Variants in PUS7 observed in about 807,000 individuals in gnomAD.
The protein encoded by PUS7 is pseudouridine synthase 7.
Under a neutral mutation model 79.8 loss-of-function variants are expected in PUS7, and 48 were observed. The ratio of observed to expected loss-of-function variants is 0.60; its 90% confidence interval spans 0.48 to 0.76. The LOEUF is 0.76. Among genes scored for constraint, PUS7 ranks in the 30% least tolerant of loss-of-function variants. The probability of loss-of-function intolerance (pLI) is 0.00; values close to 1 mark genes in which losing one functional copy is unlikely to be tolerated. For synonymous variants in PUS7, 286 were observed against 272.2 expected (o/e 1.05, Z -0.50); for missense variants, 729 against 797.6 (o/e 0.91, Z 1.04).
intron 2 of PUS7, among the ~76,000 whole-genome samples, chr7:105,507,360 A>T (rs1206093886): frequency 6.6e-6 from 1 of 151,856 alleles, no homozygotes; most frequent in African/African-American, 2.4e-5. Flanking sequence ...CCATTTTTTA[A>T]ATAAGGATGC....
chr7:105,480,283 C>A (rs1824267151), intron 9 of PUS7, among the ~76,000 whole-genome samples: 1 of 151,638 alleles, frequency 6.6e-6, no homozygotes. Context: ...ACCAGCCTGG[C>A]CAACATGGTG....
At position 105,508,392 on chromosome 7, in the gene PUS7, T is replaced by C; in HGVS notation, c.121A>G (p.Thr41Ala). 1.2e-6 allele frequency: 2 copies of C among 1,614,174 alleles called. No individual in the cohort carries two copies. The highest frequency in any genetic ancestry group is 4.5e-5 in the East Asian group (2 of 44,878). ...KKQKLSECSL[T>A]KGQDGLQNDF... Reference sequence around the variant, plus strand: ...TTCTGTAGCCCATCTTGACCTTTGGTTAGACTGCATTCCGACAGCTTCTGT... The same window carrying C: ...TTCTGTAGCCCATCTTGACCTTTGGCTAGACTGCATTCCGACAGCTTCTGT... Residue 41 changes from threonine to alanine, a missense_variant, in exon 2 of 16, where the codon ACC becomes GCC. Physicochemically the swap from Thr to Ala is moderately conservative, Grantham distance 58. Coordinates refer to ENST00000469408, the MANE Select transcript of PUS7 (RefSeq NM_019042.5).
Position 105,491,473 on chromosome 7 carries a change from T to C in PUS7, c.920+67A>G, listed in dbSNP as rs1824776722. 4 of 1,036,854 alleles carry C rather than the reference T, an allele frequency of 3.9e-6. No individual in the cohort carries two copies. In the East Asian group the frequency reaches 1.1e-4, roughly 28 times the overall value. The allele number at this position is 1,036,854 out of a possible 1,614,324, so 64.2% of individuals were successfully genotyped here. On this transcript the variant is annotated intron_variant, in intron 7 of 15. Coordinates refer to ENST00000469408, the MANE Select transcript of PUS7 (RefSeq NM_019042.5). ...TGAGAGAGAAACCCCCAAAGTAAAT[T>C]TGAGAATTCTGAAAAGCAGTGCCAG...
intron 5 of PUS7, among the ~76,000 whole-genome samples, chr7:105,500,878 A>G (rs530548357): frequency 6.6e-6 from 1 of 152,334 alleles, no homozygotes; most frequent in East Asian, 1.9e-4. Flanking sequence ...CCCAGACATT[A>G]AAGAAACACA....
At chr7:105,486,591 G>A (rs535393217) in intron 7 of PUS7, among the ~76,000 whole-genome samples, 18 of 152,232 alleles carry the variant, frequency 1.2e-4, no homozygotes, top group African/African-American at 2.6e-4. Context: ...AGTGAGGAAC[G>A]GGGGACAAAA....
intron 7 of PUS7, among the ~76,000 whole-genome samples, chr7:105,488,409 AAGAG>A (rs1213634643): frequency 2.6e-5 from 4 of 152,196 alleles, no homozygotes; most frequent in African/African-American, 4.8e-5. Context: ...ATTAAAAAAA[AAGAG>A]AGAGAGAATT....
chr7:105,481,033 A>C lies in PUS7; in HGVS notation c.1175+19T>G. 6.3e-7 allele frequency: 1 copy of C among 1,599,950 alleles called. No individual in the cohort carries two copies. The highest frequency in any genetic ancestry group is 1.3e-5 in the African/African-American group (1 of 74,170). Reference sequence around the variant, plus strand: ...GTTTATGAGAAAGCTATTTTTGATAAAAGAAATTAAATACCAACCTTCCAA... The same window carrying C: ...GTTTATGAGAAAGCTATTTTTGATACAAGAAATTAAATACCAACCTTCCAA... On this transcript the variant is annotated intron_variant, in intron 9 of 15. Coordinates refer to ENST00000469408, the MANE Select transcript of PUS7 (RefSeq NM_019042.5).
chr7:105,500,166 C>A (rs907965017), intron 5 of PUS7, among the ~76,000 whole-genome samples: 2 of 152,162 alleles, frequency 1.3e-5, no homozygotes, highest in East Asian at 3.8e-4. Context: ...TCCAATCTGA[C>A]TTCCTTCTTG....
At position 105,481,053 on chromosome 7, in the gene PUS7, T is replaced by G. The variant is rs1469653219; in HGVS notation, c.1174A>C (p.Arg392=). ...TTAVPTYQVG[R]AILQNSWTEV... ...TGATAAAAGAAATTAAATACCAACC[T>G]TCCAACCTGATACGTAGGGACAGCT... The change falls in exon 9 of 16, where the codon AGA becomes CGA. Residue 392 remains arginine, a splice_region_variant and synonymous_variant. Transcript: ENST00000469408. 6.2e-7 allele frequency: 1 copy of G among 1,607,604 alleles called. No individual in the cohort carries two copies. Among genetic ancestry groups the G allele is most frequent in the South Asian group, 1.1e-5 (1 of 89,362 alleles).
At chr7:105,465,757 C>T (rs916076605) in intron 12 of PUS7, among the ~76,000 whole-genome samples, 5 of 152,012 alleles carry the variant, frequency 3.3e-5, no homozygotes, top group South Asian at 2.1e-4. Flanking sequence ...TGCTTGAACC[C>T]GGGAGGCGGA....
chr7:105,461,317 A>T (rs1386983145), intron 14 of PUS7, among the ~76,000 whole-genome samples: 1 of 152,216 alleles, frequency 6.6e-6, no homozygotes, highest in Non-Finnish European at 1.5e-5. Flanking sequence ...TTCTTCAATA[A>T]TTCAGTGATG....
At chr7:105,518,024 T>C (rs1421423580) in intron 1 of PUS7, among the ~76,000 whole-genome samples, 3 of 152,056 alleles carry the variant, frequency 2.0e-5, no homozygotes, top group Non-Finnish European at 1.5e-5. Flanking sequence ...GGTGTGGCCC[T>C]GTAATCCCAG....
intron 1 of PUS7, among the ~76,000 whole-genome samples, chr7:105,516,582 T>C (rs1446337984): frequency 6.6e-6 from 1 of 151,902 alleles, no homozygotes; most frequent in African/African-American, 2.4e-5. Context: ...GCTTCCTGAG[T>C]AGCTGGAATT....
rs991531854 is a variant in PUS7 at position 105,459,172 on chromosome 7, A to C, written c.1845T>G (p.Ala615=). 1 of 1,604,316 alleles carries C rather than the reference A, an allele frequency of 6.2e-7. No homozygotes were observed. The highest frequency in any genetic ancestry group is 8.5e-7 in the Non-Finnish European group (1 of 1,173,684). ...NLEGKTPPVF[A]SEGKYRALKM... ...CTGATGACTGAGTAAACTTACCAGA[A>C]GCAAAAACTGGTGGTGTCTTCCCTT... The change falls in exon 15 of 16, where the codon GCT becomes GCG. Residue 615 remains alanine, a synonymous_variant. Transcript: ENST00000469408.
At chr7:105,477,195 T>G (rs1006087652) in intron 9 of PUS7, among the ~76,000 whole-genome samples, 17 of 152,204 alleles carry the variant, frequency 1.1e-4, no homozygotes, top group African/African-American at 4.1e-4. Context: ...TTCTAAGAGT[T>G]TGCATAAGTG....
chr7:105,496,492 A>G (rs1825042438), intron 5 of PUS7, among the ~76,000 whole-genome samples: 2 of 152,266 alleles, frequency 1.3e-5, no homozygotes, highest in Admixed American at 6.5e-5. Context: ...CAATTCCTAG[A>G]AAGAGTCCTC....
At chr7:105,469,873 A>T (rs1017739411) in intron 11 of PUS7, among the ~76,000 whole-genome samples, 2 of 152,214 alleles carry the variant, frequency 1.3e-5, no homozygotes, top group African/African-American at 4.8e-5. Context: ...GATTACAGGC[A>T]TGAGCCACCA....
At position 105,457,781 on chromosome 7, in the gene PUS7, A is replaced by G; in HGVS notation, c.*9T>C. ...GTGTACGTTTTCTAATCTGTGGACAAGGTACTGCTCAGCGAAGCCAGGTTG... is the reference window on the plus strand; with the variant it reads ...GTGTACGTTTTCTAATCTGTGGACAGGGTACTGCTCAGCGAAGCCAGGTTG... On this transcript the variant is annotated 3_prime_UTR_variant, in exon 16 of 16. Coordinates refer to ENST00000469408, the MANE Select transcript of PUS7 (RefSeq NM_019042.5). 1.2e-6 allele frequency: 2 copies of G among 1,613,156 alleles called. No individual in the cohort carries two copies.
chr7:105,502,617 GAAGT>G (rs1825301472), intron 4 of PUS7, 53 bp from the exon 5 acceptor site: 3 of 1,577,390 alleles, frequency 1.9e-6, no homozygotes, highest in Non-Finnish European at 2.6e-6. Context: ...ATTAAATAGG[GAAGT>G]AATACAGTGA....
Sources: gnomAD v4.1 joint callset for allele counts (sites outside exome capture counted in the v4.1 genomes callset) on GRCh38, gnomAD v4.1.1 for gene constraint, MANE v1.5 for transcripts, NCBI Gene and HGNC (gene_info 2026-07-23, HGNC 2026-07-21) for gene names.